OR10J1: variants seen among roughly 807,000 people sequenced by gnomAD.
The protein encoded by OR10J1 is olfactory receptor 10J1.
For synonymous variants in OR10J1, 202 were observed against 143.8 expected, an observed-to-expected ratio of 1.40 and a Z score of -2.89; for missense variants, 474 against 376.6, an observed-to-expected ratio of 1.26 and a Z score of -2.14.
At chr1:159,402,149 T>C in the OR10J1 span, among the ~76,000 whole-genome samples, 1 of 151,814 alleles carries the variant, frequency 6.6e-6, no homozygotes, top group Admixed American at 6.6e-5. Context: ...TACTGAATGA[T>C]ACTAGCTGAA....
chr1:159,397,934 C>A, the OR10J1 span, among the ~76,000 whole-genome samples: 2 of 152,190 alleles, frequency 1.3e-5, no homozygotes, highest in African/African-American at 2.4e-5. Flanking sequence ...CTGGCTACAG[C>A]AGGCCTTGGG....
chr1:159,432,452 G>T, the OR10J1 span: 2 of 409,282 alleles, frequency 4.9e-6, no homozygotes, highest in Non-Finnish European at 8.7e-6. Flanking sequence ...CCCAAATGCT[G>T]TCCGGTCTCC....
At chr1:159,432,206 G>A in the OR10J1 span, 3 of 400,702 alleles carry the variant, frequency 7.5e-6, no homozygotes, top group Non-Finnish European at 4.4e-6. Context: ...TCTCCTCAAT[G>A]CCAAGGCCCA....
chr1:159,436,511 G>A (rs2101704861), upstream of OR10J1, among the ~76,000 whole-genome samples: 1 of 152,118 alleles, frequency 6.6e-6, no homozygotes, highest in Middle Eastern at 3.4e-3. Context: ...CAGCCTAGCT[G>A]GTTTTTCTTC....
the OR10J1 span, among the ~76,000 whole-genome samples, chr1:159,406,856 T>C: frequency 6.6e-6 from 1 of 152,250 alleles, no homozygotes; most frequent in Non-Finnish European, 1.5e-5. Context: ...CCTGGGAGGA[T>C]CCCAGATCAA....
chr1:159,417,591 C>A, the OR10J1 span, among the ~76,000 whole-genome samples: 1 of 152,316 alleles, frequency 6.6e-6, no homozygotes, highest in Admixed American at 6.5e-5. Flanking sequence ...CCACGTGGAA[C>A]TATGAGTCCA....
At chr1:159,404,590 C>A in the OR10J1 span, among the ~76,000 whole-genome samples, 1 of 151,972 alleles carries the variant, frequency 6.6e-6, no homozygotes. Context: ...CTTTTTTCCC[C>A]TAAAATGGGT....
chr1:159,440,748 T>C lies in OR10J1; in HGVS notation c.*27T>C. 3 of 1,591,124 alleles carry C rather than the reference T, an allele frequency of 1.9e-6. No individual in the cohort carries two copies. Among genetic ancestry groups the C allele is most frequent in the Non-Finnish European group, 2.6e-6 (3 of 1,165,890 alleles). Reference sequence around the variant, plus strand: ...CATGTAGGAAGAGTTCTCCTGAGGCTGTCAACATCCACACTAGGCAGGAAT... The same window carrying C: ...CATGTAGGAAGAGTTCTCCTGAGGCCGTCAACATCCACACTAGGCAGGAAT... On this transcript the variant is annotated 3_prime_UTR_variant, in exon 1 of 1. Coordinates refer to ENST00000423932, the MANE Select transcript of OR10J1 (RefSeq NM_012351.3).
chr1:159,429,018 A>C, the OR10J1 span, among the ~76,000 whole-genome samples: 1 of 152,360 alleles, frequency 6.6e-6, no homozygotes, highest in South Asian at 2.1e-4. Flanking sequence ...CAACCTTCAG[A>C]AAGGCCCATC....
chr1:159,423,586 T>C, the OR10J1 span, among the ~76,000 whole-genome samples: 1 of 152,226 alleles, frequency 6.6e-6, no homozygotes, highest in Admixed American at 6.5e-5. Context: ...GATTTACATT[T>C]TCCAGAAGGG....
At chr1:159,399,681 T>C in the OR10J1 span, among the ~76,000 whole-genome samples, 1 of 151,630 alleles carries the variant, frequency 6.6e-6, no homozygotes, top group African/African-American at 2.4e-5. Flanking sequence ...GAAAATTTAC[T>C]GGTAATAGCA....
the OR10J1 span, among the ~76,000 whole-genome samples, chr1:159,423,167 T>A: frequency 2.0e-5 from 3 of 152,174 alleles, no homozygotes; most frequent in South Asian, 2.1e-4. Flanking sequence ...AAAGAACATA[T>A]CTCCCTTATA....
the OR10J1 span, among the ~76,000 whole-genome samples, chr1:159,404,330 A>G: frequency 6.6e-6 from 1 of 152,112 alleles, no homozygotes; most frequent in Admixed American, 6.6e-5. Flanking sequence ...CACCTTTTAG[A>G]CAATCCAGGA....
chr1:159,407,537 G>C, the OR10J1 span, among the ~76,000 whole-genome samples: 3 of 152,098 alleles, frequency 2.0e-5, no homozygotes, highest in Admixed American at 2.0e-4. Context: ...AGATATTAAA[G>C]GAGATGTGTT....
At chr1:159,405,104 T>TA in the OR10J1 span, among the ~76,000 whole-genome samples, 1 of 152,066 alleles carries the variant, frequency 6.6e-6, no homozygotes, top group Non-Finnish European at 1.5e-5. Flanking sequence ...GAGGAACCAG[T>TA]AAACTTATAC....
the OR10J1 span, among the ~76,000 whole-genome samples, chr1:159,408,180 C>A: frequency 6.6e-6 from 1 of 151,784 alleles, no homozygotes; most frequent in Non-Finnish European, 1.5e-5. Context: ...ATATGGAGGA[C>A]CCAGAAACAG....
the OR10J1 span, chr1:159,405,569 C>A: frequency 2.7e-6 from 1 of 369,882 alleles, no homozygotes; most frequent in East Asian, 5.8e-5. Flanking sequence ...CTGTTCTGCC[C>A]CAGGAAACTC....
the OR10J1 span, among the ~76,000 whole-genome samples, chr1:159,418,030 C>T: frequency 2.1e-4 from 32 of 152,006 alleles, no homozygotes; most frequent in East Asian, 7.7e-4. Context: ...TAGGGTATCT[C>T]GTGGAAGAAA....
chr1:159,440,434 A>C lies in OR10J1; in HGVS notation c.643A>C (p.Ile215Leu). The part of the protein sequence containing the change: ...VLVVPMGLVF[I>L]SYVLIISTIL... Reference sequence around the variant, plus strand: ...TGTTGTACCTATGGGTCTGGTTTTCATTTCTTATGTTCTCATTATCTCTAC... The same window carrying C: ...TGTTGTACCTATGGGTCTGGTTTTCCTTTCTTATGTTCTCATTATCTCTAC... The change falls in exon 1 of 1, where the codon ATT becomes CTT. Residue 215 changes from isoleucine to leucine, a missense_variant. Coordinates refer to ENST00000423932, the MANE Select transcript of OR10J1 (RefSeq NM_012351.3). The C allele has an allele frequency of 6.2e-7, 1 of 1,614,068 alleles. No homozygotes were observed. The highest frequency in any genetic ancestry group is 1.3e-5 in the African/African-American group (1 of 75,002).
Sources: gnomAD v4.1 joint callset for allele counts (sites outside exome capture counted in the v4.1 genomes callset) on GRCh38, gnomAD v4.1.1 for gene constraint, MANE v1.5 for transcripts, NCBI Gene and HGNC (gene_info 2026-07-23, HGNC 2026-07-21) for gene names.